Variants in ACSF3 observed in about 807,000 individuals in gnomAD.
The protein encoded by ACSF3 is malonate--CoA ligase ACSF3, mitochondrial.
Under a neutral mutation model 53.2 loss-of-function variants are expected in ACSF3, and 78 were observed. The observed-to-expected ratio is 1.47, with a 90% CI of 1.22 to 1.77. The LOEUF (loss-of-function observed/expected upper bound fraction) is 1.77, where lower values mean the gene tolerates loss of function less well. Among genes scored for constraint, ACSF3 ranks in the 40% most tolerant of loss-of-function variants. The pLI, the probability that ACSF3 is intolerant of heterozygous loss-of-function variation, is 0.00. For synonymous variants in ACSF3, 414 were observed against 333.1 expected (o/e 1.24, Z -2.65); for missense variants, 937 against 771.1 (o/e 1.22, Z -2.55).
At chr16:89,138,947 C>T (rs1204616227) in intron 8 of ACSF3, among the ~76,000 whole-genome samples, 3 of 152,258 alleles carry the variant, frequency 2.0e-5, no homozygotes, top group South Asian at 2.1e-4. Context: ...GAATCACAGC[C>T]GTGCCCCTTC....
intron 10 of ACSF3, chr16:89,151,529 C>A: frequency 3.8e-6 from 1 of 265,598 alleles, no homozygotes; most frequent in Non-Finnish European, 7.4e-6. Flanking sequence ...AAAAAGACAA[C>A]ACGTCATGAT....
chr16:89,118,358 A>G lies in ACSF3; in HGVS notation c.1127-2443A>G, dbSNP rs1905726165. 8.0e-5 allele frequency among the ~76,000 whole-genome samples: 12 copies of G among 149,736 alleles called. No individual in the cohort carries two copies. The South Asian group carries it at 2.5e-3, about 32-fold the overall frequency. ...AAAAAGTAAGTAAAGTCACCTCAGC[A>G]TTAAATCCAATATGCCCCACAAAAA... On this transcript the variant is annotated intron_variant, in intron 6 of 10. Coordinates refer to ENST00000614302, the MANE Select transcript of ACSF3 (RefSeq NM_001243279.3).
intron 7 of ACSF3, among the ~76,000 whole-genome samples, chr16:89,124,044 CACAT>C (rs1907335004): frequency 6.6e-6 from 1 of 150,998 alleles, no homozygotes; most frequent in Non-Finnish European, 1.5e-5. Context: ...TGGTATCACA[CACAT>C]GCAGTGCATG....
intron 6 of ACSF3, among the ~76,000 whole-genome samples, chr16:89,115,734 G>A (rs1287284040): frequency 1.3e-5 from 2 of 152,190 alleles, no homozygotes; most frequent in Admixed American, 6.5e-5. Context: ...GGGAGGTCAC[G>A]AGCACCTGCT....
chr16:89,138,923 C>G (rs1911161772), intron 8 of ACSF3, among the ~76,000 whole-genome samples: 1 of 152,248 alleles, frequency 6.6e-6, no homozygotes, highest in Non-Finnish European at 1.5e-5. Context: ...GTAGTTGTAG[C>G]AGTTTGAGAA....
At chr16:89,096,878 C>T (rs1481689211) in intron 1 of ACSF3, among the ~76,000 whole-genome samples, 4 of 152,228 alleles carry the variant, frequency 2.6e-5, no homozygotes, top group African/African-American at 9.6e-5. Flanking sequence ...TCACACGGGG[C>T]CAGTCACATC....
intron 3 of ACSF3, among the ~76,000 whole-genome samples, chr16:89,101,583 G>A (rs564930792): frequency 1.3e-5 from 2 of 152,266 alleles, no homozygotes; most frequent in South Asian, 2.1e-4. Flanking sequence ...AGGGGCCGCC[G>A]AGTGACCCTG....
At chr16:89,102,282 G>T in intron 3 of ACSF3, 1 of 416,488 alleles carries the variant, frequency 2.4e-6, no homozygotes, top group Non-Finnish European at 4.5e-6. Flanking sequence ...CTGGGTCCCT[G>T]AGTCCCAGGC....
rs562092702 is a variant in ACSF3, at chr16:89,093,875, C to G, written c.-315C>G. 3,138 of 317,374 alleles carry G rather than the reference C, an allele frequency of 9.9e-3. 92 individuals are homozygous for G. Among genetic ancestry groups the G allele is most frequent in the African/African-American group, 0.065 (2,908 of 44,688 alleles). The allele number at this position is 317,374 out of a possible 1,614,324, so 19.7% of individuals were successfully genotyped here. ...CTGTTGGGCGCCGGAACTGGTCCGGCCCGACTCACGACCCCGCGGGACCCG... is the reference window on the plus strand; with the variant it reads ...CTGTTGGGCGCCGGAACTGGTCCGGGCCGACTCACGACCCCGCGGGACCCG... On this transcript the variant is annotated 5_prime_UTR_variant, in exon 1 of 11. Coordinates refer to ENST00000614302, the MANE Select transcript of ACSF3 (RefSeq NM_001243279.3).
intron 10 of ACSF3, 119 bp downstream of exon 10, chr16:89,146,168 C>A: frequency 1.4e-6 from 1 of 737,670 alleles, no homozygotes; most frequent in Non-Finnish European, 2.2e-6. Context: ...TCAAGAAAGA[C>A]CAGCAGTGAG....
chr16:89,136,636 C>T (rs1484803208), intron 8 of ACSF3: 30 of 1,287,248 alleles, frequency 2.3e-5, no homozygotes, highest in Non-Finnish European at 3.0e-5. Flanking sequence ...ATGGCCGAGG[C>T]CGGCCTGCAG....
At chr16:89,139,678 C>T (rs1308553332) in intron 8 of ACSF3, among the ~76,000 whole-genome samples, 3 of 151,260 alleles carry the variant, frequency 2.0e-5, no homozygotes, top group Admixed American at 6.6e-5. Context: ...GTGCAACCTC[C>T]GCCTTCCGGG....
chr16:89,115,843 T>G (rs977424774), intron 6 of ACSF3, among the ~76,000 whole-genome samples: 14 of 152,234 alleles, frequency 9.2e-5, no homozygotes. Flanking sequence ...CGTTTTCAAC[T>G]GGGGCCTTTG....
At position 89,112,096 on chromosome 16, in the gene ACSF3, G is replaced by A. The variant is rs759338401; in HGVS notation, c.827G>A (p.Trp276Ter). ...MMPEFSPQQVWEKFLSSETPR... is the reference protein window; with the variant it reads ...MMPEFSPQQV ...AGTGCTTCCTTTCCTTCGTAGGTTT[G>A]GGAAAAGTTCTTAAGTTCTGAAACG... is the stretch of plus-strand genomic sequence containing the variant. Residue 276 changes from tryptophan to a stop codon, truncating the protein, a stop_gained, in exon 5 of 11, where the codon TGG (tryptophan) becomes TAG (stop). Transcript: ENST00000614302. LOFTEE classifies it high-confidence loss of function. 9 of 1,613,984 alleles carry A rather than the reference G, an allele frequency of 5.6e-6. No homozygotes were observed. Among genetic ancestry groups the A allele is most frequent in the Admixed American group, 3.3e-5 (2 of 60,002 alleles).
chr16:89,155,337 GC>G lies in ACSF3; in HGVS notation c.*1134del, dbSNP rs1278257625. The G allele has an allele frequency of 2.2e-6, 1 of 452,126 alleles. No individual in the cohort carries two copies. Among genetic ancestry groups the G allele is most frequent in the Admixed American group, 2.3e-5 (1 of 42,560 alleles). 28.0% of individuals were successfully genotyped at this position (452,126 alleles called of 1,614,324 possible). The stretch of plus-strand genomic sequence containing the variant: ...AACGAGTGTGCCGGGCAGGAGGCCA[GC>G]CCCATCTCAGGCTCACGTGCCTCTG... On this transcript the variant is annotated 3_prime_UTR_variant, in exon 11 of 11. Transcript: ENST00000614302.
intron 4 of ACSF3, among the ~76,000 whole-genome samples, chr16:89,104,840 C>T (rs182433111): frequency 6.6e-6 from 1 of 152,340 alleles, no homozygotes; most frequent in African/African-American, 2.4e-5. Context: ...CAAGAGAAGC[C>T]AGTATGTAGA....
At position 89,155,408 on chromosome 16, in the gene ACSF3, T is replaced by G. The variant is rs761256519; in HGVS notation, c.*1201T>G. 1 of 453,890 alleles carries G rather than the reference T, an allele frequency of 2.2e-6. No individual in the cohort carries two copies. The highest frequency in any genetic ancestry group is 1.6e-5 in the South Asian group (1 of 64,466). The allele number at this position is 453,890 out of a possible 1,614,324, so 28.1% of individuals were successfully genotyped here. On this transcript the variant is annotated 3_prime_UTR_variant, in exon 11 of 11. Coordinates refer to ENST00000614302, the MANE Select transcript of ACSF3 (RefSeq NM_001243279.3). ...TCAGGCTCACATGCCTCGCGGACAG[T>G]TGGACGTGGCCTGGGGCCCCTGCTC...
chr16:89,095,556 G>C (rs1273144562), intron 1 of ACSF3, among the ~76,000 whole-genome samples: 2 of 143,990 alleles, frequency 1.4e-5, no homozygotes, highest in East Asian at 4.2e-4. Context: ...CATCGGGGCA[G>C]CCGACAGGAG....
Position 89,141,622 on chromosome 16 carries a change from C to A in ACSF3, c.1367-3645C>A, listed in dbSNP as rs968608714. On this transcript the variant is annotated intron_variant, in intron 8 of 10. Transcript: ENST00000614302. ...CAAAGGCATCCAGGCCCGGGAGACG[C>A]ATGTGGGACTTGGGCTTTCCTCTGT... Among the ~76,000 whole-genome samples the A allele has an allele frequency of 2.0e-5, 3 of 152,256 alleles. 1 individual carries two copies. Among genetic ancestry groups the A allele is most frequent in the Non-Finnish European group, 4.4e-5 (3 of 68,038 alleles).
Sources: gnomAD v4.1 joint callset for allele counts (sites outside exome capture counted in the v4.1 genomes callset) on GRCh38, gnomAD v4.1.1 for gene constraint, MANE v1.5 for transcripts, NCBI Gene and HGNC (gene_info 2026-07-23, HGNC 2026-07-21) for gene names.